DGKB: variants seen among roughly 807,000 people sequenced by gnomAD.
DGKB encodes the protein 90 kDa diacylglycerol kinase.
In DGKB, 67 loss-of-function variants were observed where a neutral mutation model predicts 114.3. The observed-to-expected ratio is 0.59, with a 90% CI of 0.48 to 0.72. DGKB has a LOEUF of 0.72. Ranked by LOEUF, DGKB falls within the 30% of genes least tolerant of loss-of-function variation. DGKB has a pLI of 0.00. For missense variants in DGKB, 907 were observed against 975.2 expected (o/e 0.93, Z 0.93); for synonymous variants, 398 against 323.1 (o/e 1.23, Z -2.49).
Position 14,160,009 on chromosome 7 carries a change from G to A in DGKB, c.2305-10771C>T, listed in dbSNP as rs551145777. ...TTCTTGACTTGGCTTGGATAAAAGA[G>A]TTGTAAATTATATTTATGGATTTAA... On this transcript the variant is annotated intron_variant, in intron 25 of 25. Transcript: ENST00000402815. Among the ~76,000 whole-genome samples the A allele has an allele frequency of 3.9e-5, 6 of 152,148 alleles. No homozygotes were observed. In the South Asian group the frequency reaches 1.2e-3, roughly 32 times the overall value.
chr7:14,830,541 A>G (rs769782689), intron 2 of DGKB, among the ~76,000 whole-genome samples: 2 of 152,038 alleles, frequency 1.3e-5, no homozygotes, highest in Non-Finnish European at 2.9e-5. Context: ...TCCTACCCCA[A>G]AGCTTTCATT....
chr7:14,809,241 CTG>C (rs1037422128), intron 2 of DGKB, among the ~76,000 whole-genome samples: 1 of 152,078 alleles, frequency 6.6e-6, no homozygotes, highest in African/African-American at 2.4e-5. Flanking sequence ...TATGTACAGA[CTG>C]TGATTTAATT....
At chr7:14,420,904 C>A (rs1453081783) in intron 21 of DGKB, among the ~76,000 whole-genome samples, 1 of 152,036 alleles carries the variant, frequency 6.6e-6, no homozygotes, top group African/African-American at 2.4e-5. Flanking sequence ...CCCCACCTCT[C>A]CATGCCCAAG....
At chr7:14,727,273 ATT>A (rs1045367422) in intron 5 of DGKB, among the ~76,000 whole-genome samples, 2 of 152,192 alleles carry the variant, frequency 1.3e-5, no homozygotes, top group African/African-American at 2.4e-5. Context: ...AAGAAACCTG[ATT>A]ATTCAAGTCT....
intron 20 of DGKB, among the ~76,000 whole-genome samples, chr7:14,525,028 T>C (rs1584568412): frequency 1.3e-5 from 2 of 152,102 alleles, no homozygotes; most frequent in South Asian, 2.1e-4. Context: ...GTGTGATGAG[T>C]ACATGTAGTC....
intron 20 of DGKB, among the ~76,000 whole-genome samples, chr7:14,487,958 T>C (rs1784071773): frequency 6.6e-6 from 1 of 152,122 alleles, no homozygotes; most frequent in Non-Finnish European, 1.5e-5. Context: ...ATAAAATATA[T>C]TTCTCATCTG....
chr7:14,878,118 C>A (rs563643721), intron 1 of DGKB, among the ~76,000 whole-genome samples: 2 of 149,584 alleles, frequency 1.3e-5, no homozygotes, highest in Admixed American at 1.3e-4. Flanking sequence ...ACAAATAGAG[C>A]CTGTCCACAA....
At chr7:14,260,386 A>T (rs1796593242) in intron 23 of DGKB, among the ~76,000 whole-genome samples, 1 of 152,184 alleles carries the variant, frequency 6.6e-6, no homozygotes, top group Admixed American at 6.5e-5. Flanking sequence ...ACTAAGAAAA[A>T]GTGAAACAAA....
intron 1 of DGKB, among the ~76,000 whole-genome samples, chr7:14,971,102 G>T (rs1787439408): frequency 6.6e-6 from 1 of 152,144 alleles, no homozygotes; most frequent in Admixed American, 6.6e-5. Flanking sequence ...TCTTCCTGAT[G>T]ACTTCAATTG....
At chr7:14,312,066 T>C (rs1805482670) in intron 23 of DGKB, among the ~76,000 whole-genome samples, 1 of 152,038 alleles carries the variant, frequency 6.6e-6, no homozygotes, top group Admixed American at 6.5e-5. Context: ...TATAAAGCCA[T>C]CAAAATGAAA....
chr7:14,452,240 A>G (rs1831635075), intron 21 of DGKB, among the ~76,000 whole-genome samples: 1 of 152,108 alleles, frequency 6.6e-6, no homozygotes, highest in East Asian at 1.9e-4. Context: ...TAAATCAGTA[A>G]GCATATGTTA....
intron 1 of DGKB, among the ~76,000 whole-genome samples, chr7:14,845,175 G>T (rs1208763117): frequency 6.9e-6 from 1 of 145,470 alleles, no homozygotes; most frequent in Non-Finnish European, 1.5e-5. Flanking sequence ...ATATCCCCCA[G>T]TTCATTATGA....
At chr7:14,704,949 A>G (rs1585822789) in intron 6 of DGKB, among the ~76,000 whole-genome samples, 2 of 152,276 alleles carry the variant, frequency 1.3e-5, no homozygotes, top group African/African-American at 4.8e-5. Flanking sequence ...CTCACCAGCA[A>G]CGGAACAAAG....
intron 23 of DGKB, among the ~76,000 whole-genome samples, chr7:14,260,399 A>G (rs1796595313): frequency 6.6e-6 from 1 of 152,208 alleles, no homozygotes; most frequent in African/African-American, 2.4e-5. Context: ...GAAACAAATT[A>G]CTTTCCAGTT....
chr7:14,634,291 G>C (rs1347316581), intron 13 of DGKB, among the ~76,000 whole-genome samples: 1 of 151,466 alleles, frequency 6.6e-6, no homozygotes, highest in African/African-American at 2.4e-5. Context: ...GGAAAACAAA[G>C]TTAGTGACAG....
intron 1 of DGKB, among the ~76,000 whole-genome samples, chr7:14,930,146 T>C (rs963433362): frequency 1.3e-5 from 2 of 152,166 alleles, no homozygotes; most frequent in African/African-American, 4.8e-5. Context: ...TAATTTGAGG[T>C]CAGGTCATGT....
intron 14 of DGKB, among the ~76,000 whole-genome samples, chr7:14,629,653 GC>G (rs895921207): frequency 2.6e-5 from 4 of 151,976 alleles, no homozygotes; most frequent in Non-Finnish European, 5.9e-5. Flanking sequence ...CAAAGGTAAA[GC>G]AAAAATGTTA....
At chr7:14,290,443 C>G (rs1020555090) in intron 23 of DGKB, among the ~76,000 whole-genome samples, 3 of 151,994 alleles carry the variant, frequency 2.0e-5, no homozygotes, top group African/African-American at 7.3e-5. Flanking sequence ...ACAAAGAACC[C>G]CAATGTGTTT....
chr7:14,468,521 A>G (rs1468840745), intron 21 of DGKB, among the ~76,000 whole-genome samples: 1 of 149,280 alleles, frequency 6.7e-6, no homozygotes, highest in African/African-American at 2.6e-5. Flanking sequence ...TTGATAGTTT[A>G]CTTATTATGG....
Sources: allele counts gnomAD v4.1 joint callset (sites outside exome capture counted in the v4.1 genomes callset), GRCh38; gene constraint gnomAD v4.1.1; transcripts MANE v1.5; gene names NCBI Gene and HGNC (gene_info 2026-07-23, HGNC 2026-07-21).